The following GABRB3 variants were observed in gnomAD, a reference collection of about 807,000 sequenced individuals.
GABRB3 encodes gamma-aminobutyric acid type A receptor subunit beta3.
Under a neutral mutation model 52.1 loss-of-function variants are expected in GABRB3, and 14 were observed. The ratio of observed to expected loss-of-function variants is 0.27; its 90% CI spans 0.18 to 0.42. The LOEUF is 0.42. Among genes scored for constraint, GABRB3 ranks in the 10% least tolerant of loss-of-function variants. GABRB3 has a pLI of 1.00. For missense variants in GABRB3, 307 were observed against 609.1 expected, an observed-to-expected ratio of 0.50 and a Z score of 5.22; for synonymous variants, 260 against 232.3, an observed-to-expected ratio of 1.12 and a Z score of -1.08.
chr15:26,616,354 C>T (rs574036470), intron 4 of GABRB3, among the ~76,000 whole-genome samples: 1 of 152,154 alleles, frequency 6.6e-6, no homozygotes, highest in African/African-American at 2.4e-5. Flanking sequence ...CTCTTTTGTC[C>T]AGTAGTTCAA....
intron 6 of GABRB3, chr15:26,569,319 T>G (rs1204116907): frequency 6.6e-6 from 1 of 152,238 alleles, no homozygotes; most frequent in Admixed American, 6.5e-5. Flanking sequence ...TACCCAGCAC[T>G]TCAAGGCTGA....
chr15:26,735,103 G>A (rs1890031978), intron 3 of GABRB3, among the ~76,000 whole-genome samples: 1 of 152,098 alleles, frequency 6.6e-6, no homozygotes, highest in South Asian at 2.1e-4. Flanking sequence ...TTTTTCCAAA[G>A]AAGATACACA....
At chr15:26,600,389 CCAAT>C (rs1473934928) in intron 4 of GABRB3, among the ~76,000 whole-genome samples, 4 of 151,940 alleles carry the variant, frequency 2.6e-5, no homozygotes, top group Middle Eastern at 3.4e-3. Context: ...ACAGAAGTCA[CCAAT>C]CAAATTCAAC....
intron 3 of GABRB3, among the ~76,000 whole-genome samples, chr15:26,676,419 G>A (rs943590035): frequency 1.3e-5 from 2 of 152,128 alleles, no homozygotes; most frequent in Non-Finnish European, 2.9e-5. Flanking sequence ...TCCCAGACAC[G>A]AAACAGAACC....
chr15:26,773,106 GGGAGGAGCGGGCGCTGGGAGAGGAA>G, upstream of GABRB3: 1 of 831,946 alleles, frequency 1.2e-6, no homozygotes. Flanking sequence ...GGGGAGGAGG[GGGAGGAGCGGGCGCTGGGAGAGGAA>G]GGAGGAGCGG....
chr15:26,739,413 T>G lies in GABRB3; in HGVS notation c.240+32989A>C, dbSNP rs1389942292. Among the ~76,000 whole-genome samples the G allele has an allele frequency of 3.3e-5, 5 of 152,020 alleles. No homozygotes were observed. In the South Asian group the frequency reaches 1.0e-3, roughly 32 times the overall value. On this transcript the variant is annotated intron_variant, in intron 3 of 8. Coordinates refer to ENST00000311550, the MANE Select transcript of GABRB3 (RefSeq NM_000814.6). ...TATCCTTGTTGACAAAAACTACTTG[T>G]TTATAGCCAATGGTTGGTCCGATAC...
intron 3 of GABRB3, among the ~76,000 whole-genome samples, chr15:26,738,887 C>T (rs1384916556): frequency 6.6e-6 from 1 of 152,066 alleles, no homozygotes; most frequent in African/African-American, 2.4e-5. Context: ...AATTACATAA[C>T]AGAGGAAGAG....
intron 8 of GABRB3, 41 bp downstream of exon 8, chr15:26,560,891 G>A (rs750310033): frequency 1.2e-6 from 2 of 1,612,528 alleles, no homozygotes; most frequent in East Asian, 4.5e-5. Flanking sequence ...TAGCTGCTGA[G>A]CTGCAGGGAC....
intron 3 of GABRB3, among the ~76,000 whole-genome samples, chr15:26,724,268 A>G (rs887281142): frequency 1.1e-4 from 16 of 152,154 alleles, no homozygotes; most frequent in African/African-American, 3.6e-4. Context: ...ATCACAGCTG[A>G]GAAATAAAAA....
At chr15:26,636,180 A>C (rs1205882185) in intron 3 of GABRB3, among the ~76,000 whole-genome samples, 1 of 152,228 alleles carries the variant, frequency 6.6e-6, no homozygotes, top group Non-Finnish European at 1.5e-5. Flanking sequence ...TTTAGATTGG[A>C]GAATAACAGC....
intron 3 of GABRB3, among the ~76,000 whole-genome samples, chr15:26,632,620 T>C (rs1411229775): frequency 6.6e-6 from 1 of 152,102 alleles, no homozygotes; most frequent in Non-Finnish European, 1.5e-5. Flanking sequence ...ACCAGGGAAA[T>C]GTAAGAGAGA....
chr15:26,556,801 G>C (rs1304098053), intron 8 of GABRB3, among the ~76,000 whole-genome samples: 1 of 152,140 alleles, frequency 6.6e-6, no homozygotes, highest in Non-Finnish European at 1.5e-5. Context: ...GCAGTTGCTG[G>C]TGGCCTACAG....
intron 3 of GABRB3, among the ~76,000 whole-genome samples, chr15:26,664,927 C>T (rs551757547): frequency 9.2e-5 from 14 of 151,672 alleles, no homozygotes; most frequent in African/African-American, 2.7e-4. Context: ...CTCAAACTCC[C>T]GACCTCAGGT....
chr15:26,686,455 T>C (rs7178595), intron 3 of GABRB3, among the ~76,000 whole-genome samples: 17,146 of 152,290 alleles, frequency 0.11, 1,066 homozygotes, highest in Non-Finnish European at 0.15. Context: ...TAAGTGATAC[T>C]GATAAATAAC....
intron 3 of GABRB3, among the ~76,000 whole-genome samples, chr15:26,662,595 G>C (rs1281736641): frequency 1.3e-5 from 2 of 152,214 alleles, no homozygotes; most frequent in South Asian, 2.1e-4. Context: ...CAGATGAACA[G>C]GGAGAGCTTT....
At chr15:26,597,143 C>A (rs1891421879) in intron 4 of GABRB3, among the ~76,000 whole-genome samples, 2 of 152,162 alleles carry the variant, frequency 1.3e-5, no homozygotes, top group East Asian at 3.9e-4. Flanking sequence ...AAGGCCCCAC[C>A]TCTCCATGCT....
chr15:26,615,956 G>T (rs1038795541), intron 4 of GABRB3: 2 of 1,288,888 alleles, frequency 1.6e-6, no homozygotes, highest in African/African-American at 3.0e-5. Flanking sequence ...TTACAAGCAG[G>T]AACAGCAGGA....
intron 3 of GABRB3, among the ~76,000 whole-genome samples, chr15:26,661,945 AT>A (rs959917192): frequency 2.6e-5 from 4 of 152,070 alleles, no homozygotes; most frequent in Admixed American, 6.5e-5. Flanking sequence ...ATGAAAAAAA[AT>A]GTTGCATTAT....
At chr15:26,650,771 C>G (rs1887171657) in intron 3 of GABRB3, among the ~76,000 whole-genome samples, 1 of 152,120 alleles carries the variant, frequency 6.6e-6, no homozygotes, top group Non-Finnish European at 1.5e-5. Context: ...ACAAACCAAT[C>G]AGCATGCACT....
Sources: gnomAD v4.1 joint callset for allele counts (sites outside exome capture counted in the v4.1 genomes callset) on GRCh38, gnomAD v4.1.1 for gene constraint, MANE v1.5 for transcripts, NCBI Gene and HGNC (gene_info 2026-07-23, HGNC 2026-07-21) for gene names.